PPARGC1A: variants seen among roughly 807,000 people sequenced by gnomAD.
PPARGC1A encodes the protein PPARG coactivator 1 alpha, also known as peroxisome proliferator-activated receptor gamma coactivator 1-alpha.
A neutral mutation model predicts 88.7 loss-of-function variants in PPARGC1A; 25 were observed. The ratio of observed to expected loss-of-function variants is 0.28; its 90% CI spans 0.21 to 0.39. The LOEUF (loss-of-function observed/expected upper bound fraction) is 0.39, where lower values mean the gene tolerates loss of function less well. Among genes scored for constraint, PPARGC1A ranks in the 10% least tolerant of loss-of-function variants. The pLI, the probability that PPARGC1A is intolerant of heterozygous loss-of-function variation, is 1.00. For missense variants in PPARGC1A, 880 were observed against 968.7 expected, an observed-to-expected ratio of 0.91 and a Z score of 1.22; for synonymous variants, 363 against 355.6, an observed-to-expected ratio of 1.02 and a Z score of -0.24.
At chr4:23,890,241 A>C, upstream of PPARGC1A, 1 of 432,560 alleles carries the variant, frequency 2.3e-6, no homozygotes, top group Non-Finnish European at 3.6e-6. Flanking sequence ...AAGAAAGAAA[A>C]AGAAAAGAAA....
chr4:24,122,154 G>T, the PPARGC1A span, among the ~76,000 whole-genome samples: 2 of 152,092 alleles, frequency 1.3e-5, no homozygotes, highest in African/African-American at 4.8e-5. Context: ...AACTTGGCTG[G>T]CGAGCTGGTG....
the PPARGC1A span, among the ~76,000 whole-genome samples, chr4:24,067,023 T>C: frequency 1.3e-5 from 2 of 152,120 alleles, no homozygotes; most frequent in African/African-American, 4.8e-5. Flanking sequence ...CACAGTTAAA[T>C]GATTAACAGA....
intron 3 of PPARGC1A, 129 bp from the exon 4 acceptor site, chr4:23,829,714 G>T: frequency 1.1e-6 from 1 of 942,906 alleles, no homozygotes; most frequent in Non-Finnish European, 1.5e-6. Context: ...TTTTATTTAT[G>T]TCACACCTTA....
chr4:23,973,625 A>C, the PPARGC1A span, among the ~76,000 whole-genome samples: 1 of 152,224 alleles, frequency 6.6e-6, no homozygotes, highest in Non-Finnish European at 1.5e-5. Context: ...GTGAATTCTT[A>C]TTGCATAGCC....
the PPARGC1A span, among the ~76,000 whole-genome samples, chr4:23,921,675 T>C: frequency 6.6e-6 from 1 of 152,180 alleles, no homozygotes; most frequent in Non-Finnish European, 1.5e-5. Context: ...CTGGAATGTA[T>C]TGGAAAAGGT....
At chr4:24,371,734 A>G in the PPARGC1A span, among the ~76,000 whole-genome samples, 1 of 151,072 alleles carries the variant, frequency 6.6e-6, no homozygotes, top group African/African-American at 2.4e-5. Context: ...TGAGGTCAGG[A>G]GTTCAAGACT....
chr4:24,262,307 A>T, the PPARGC1A span, among the ~76,000 whole-genome samples: 121,803 of 152,152 alleles, frequency 0.8, 48,974 homozygotes, highest in East Asian at 0.85. Context: ...CTCATTCTGG[A>T]GGTTCCGCAG....
At chr4:24,023,704 T>C in the PPARGC1A span, among the ~76,000 whole-genome samples, 1 of 152,168 alleles carries the variant, frequency 6.6e-6, no homozygotes, top group Non-Finnish European at 1.5e-5. Context: ...TCTGTTGAGC[T>C]CCTATTCTAG....
chr4:24,168,237 C>T, the PPARGC1A span, among the ~76,000 whole-genome samples: 1 of 152,250 alleles, frequency 6.6e-6, no homozygotes, highest in South Asian at 2.1e-4. Flanking sequence ...TGCAACATCT[C>T]CATGGAATGC....
chr4:24,084,361 C>G, the PPARGC1A span, among the ~76,000 whole-genome samples: 3,883 of 152,278 alleles, frequency 0.025, 156 homozygotes, highest in African/African-American at 0.088. Flanking sequence ...GGTTGCTTAG[C>G]CTTGAGAGCA....
At chr4:24,024,026 A>G in the PPARGC1A span, among the ~76,000 whole-genome samples, 65 of 152,322 alleles carry the variant, frequency 4.3e-4, 2 homozygotes, top group African/African-American at 1.4e-3. Flanking sequence ...ATGATTCGCT[A>G]GTTTTTGCCT....
chr4:23,914,104 T>C, the PPARGC1A span, among the ~76,000 whole-genome samples: 1 of 152,226 alleles, frequency 6.6e-6, no homozygotes, highest in Non-Finnish European at 1.5e-5. Flanking sequence ...GAATCTTTAT[T>C]GAAGTCAGCT....
the PPARGC1A span, among the ~76,000 whole-genome samples, chr4:24,161,470 G>A: frequency 2.0e-5 from 3 of 152,132 alleles, no homozygotes; most frequent in Non-Finnish European, 4.4e-5. Context: ...GTGCCGATAA[G>A]AGGCCACTTA....
chr4:24,349,299 C>T, the PPARGC1A span, among the ~76,000 whole-genome samples: 62 of 152,298 alleles, frequency 4.1e-4, no homozygotes, highest in African/African-American at 1.4e-3. Flanking sequence ...TGGCGCTTTC[C>T]AGAAAGCATC....
At chr4:23,921,076 A>G in the PPARGC1A span, among the ~76,000 whole-genome samples, 1 of 152,148 alleles carries the variant, frequency 6.6e-6, no homozygotes, top group Non-Finnish European at 1.5e-5. Flanking sequence ...CCTTTCTCAA[A>G]GGGAAAGGAG....
the PPARGC1A span, among the ~76,000 whole-genome samples, chr4:24,319,198 T>C: frequency 6.6e-6 from 1 of 152,014 alleles, no homozygotes; most frequent in Admixed American, 6.6e-5. Flanking sequence ...GTTAAAAAAT[T>C]AGCTGTGTGT....
the PPARGC1A span, among the ~76,000 whole-genome samples, chr4:24,013,055 GGT>G: frequency 1.3e-5 from 2 of 152,128 alleles, no homozygotes; most frequent in Non-Finnish European, 1.5e-5. Context: ...GTTGCTCCAG[GGT>G]GAGTTTCATT....
At chr4:23,952,349 C>T in the PPARGC1A span, among the ~76,000 whole-genome samples, 2 of 152,240 alleles carry the variant, frequency 1.3e-5, no homozygotes, top group African/African-American at 4.8e-5. Context: ...GGTGCTTTTA[C>T]CTGCTGGCTT....
the PPARGC1A span, among the ~76,000 whole-genome samples, chr4:24,026,172 G>A: frequency 1.3e-5 from 2 of 152,184 alleles, no homozygotes; most frequent in African/African-American, 4.8e-5. Context: ...AGTTGATGCT[G>A]AAAACCAACT....
Sources: allele counts gnomAD v4.1 joint callset (sites outside exome capture counted in the v4.1 genomes callset), GRCh38; gene constraint gnomAD v4.1.1; transcripts MANE v1.5; gene names NCBI Gene and HGNC (gene_info 2026-07-23, HGNC 2026-07-21).